ZNF624: variants seen among roughly 807,000 people sequenced by gnomAD.
The protein encoded by ZNF624 is zinc finger protein 624.
A neutral mutation model predicts 74.7 loss-of-function variants in ZNF624; 43 were observed. That is an observed-to-expected ratio of 0.58 (90% CI 0.45 to 0.74). The LOEUF is 0.74. ZNF624 is among the 30% of genes least tolerant of loss of function. The pLI, the probability that ZNF624 is intolerant of heterozygous loss-of-function variation, is 0.00. For synonymous variants in ZNF624, 331 were observed against 341.3 expected (o/e 0.97, Z 0.33); for missense variants, 820 against 1,030.0 (o/e 0.80, Z 2.79).
At chr17:16,629,967 A>G (rs1299006204) in intron 5 of ZNF624, among the ~76,000 whole-genome samples, 3 of 152,246 alleles carry the variant, frequency 2.0e-5, no homozygotes, top group Non-Finnish European at 4.4e-5. Context: ...TTAGTGGAGC[A>G]CAACCACATT....
At chr17:16,619,144 C>G (rs1290398918), downstream of ZNF624, among the ~76,000 whole-genome samples, 6 of 152,160 alleles carry the variant, frequency 3.9e-5, no homozygotes, top group Non-Finnish European at 7.4e-5. Context: ...AGGAAGATGG[C>G]CTTTTCAATA....
At position 16,623,843 on chromosome 17, in the gene ZNF624, A is replaced by G. The variant is rs1275363997; in HGVS notation, c.1043T>C (p.Met348Thr). 7 of 1,613,780 alleles carry G rather than the reference A, an allele frequency of 4.3e-6. No homozygotes were observed. The highest frequency in any genetic ancestry group is 2.7e-5 in the African/African-American group (2 of 74,900). ...GKAFIASSSL[M>T]VHQRIHTKEK... Reference sequence around the variant, plus strand: ...TTTAGTGTGAATTCTCTGATGTACCATAAGTGATGAAGAAGCAATGAAGGC... The same window carrying G: ...TTTAGTGTGAATTCTCTGATGTACCGTAAGTGATGAAGAAGCAATGAAGGC... The change falls in exon 6 of 6, where the codon ATG (methionine) becomes ACG (threonine). Residue 348 changes from methionine to threonine, a missense_variant. By Grantham distance (81) the Met-to-Thr change is moderately conservative (BLOSUM62 -1). Transcript: ENST00000311331. This position sits in a 1 kb window ranked among gnomAD's most constrained non-coding sequence, Gnocchi z 5.3.
chr17:16,614,741 T>C, the ZNF624 span, among the ~76,000 whole-genome samples: 9 of 152,178 alleles, frequency 5.9e-5, no homozygotes, highest in African/African-American at 9.7e-5. Flanking sequence ...ACAAGGCTAT[T>C]ACAAGAAAGA....
At chr17:16,631,510 G>A (rs1309659105) in intron 5 of ZNF624, 3 of 152,206 alleles carry the variant, frequency 2.0e-5, no homozygotes, top group African/African-American at 7.2e-5. Context: ...AGGATAGCTT[G>A]AGCCCAGGAG....
Position 16,622,437 on chromosome 17 carries a change from A to G in ZNF624, c.2449T>C (p.Phe817Leu). 6.2e-7 allele frequency: 1 copy of G among 1,613,982 alleles called. No individual in the cohort carries two copies. Among genetic ancestry groups the G allele is most frequent in the Non-Finnish European group, 8.5e-7 (1 of 1,179,916 alleles). ...ACAGTAAAGTCTGAGTTAGTTCTGA[A>G]GGCTTTTCCACATTCTTCACATTTA... Reference protein sequence around the residue: ...PYKCEECGKAFRTNSDFTVHL... With the variant: ...PYKCEECGKALRTNSDFTVHL... Residue 817 changes from phenylalanine to leucine, a missense_variant, in exon 6 of 6, where the codon TTC (phenylalanine) becomes CTC (leucine). By Grantham distance (22) the Phe-to-Leu change is conservative (BLOSUM62 0). Transcript: ENST00000311331.
At position 16,622,289 on chromosome 17, in the gene ZNF624, T is replaced by C; in HGVS notation, c.2597A>G (p.Ter866=). 1 of 1,545,216 alleles carries C rather than the reference T, an allele frequency of 6.5e-7. No individual in the cohort carries two copies. Among genetic ancestry groups the C allele is most frequent in the East Asian group, 2.3e-5 (1 of 44,396 alleles). ...RIHQRETQLI[*] Reference sequence around the variant, plus strand: ...TCTAGGTGAATGACTTATTGTTCTTTATATTAACTGAGTTTCTCTTTGATG... The same window carrying C: ...TCTAGGTGAATGACTTATTGTTCTTCATATTAACTGAGTTTCTCTTTGATG... The change falls in exon 6 of 6, where the codon TAA becomes TGA. Residue 866 remains the stop codon, a stop_retained_variant. Coordinates refer to ENST00000311331, the MANE Select transcript of ZNF624 (RefSeq NM_020787.4).
chr17:16,638,898 G>T (rs1362679669), intron 3 of ZNF624, among the ~76,000 whole-genome samples: 1 of 152,142 alleles, frequency 6.6e-6, no homozygotes, highest in Non-Finnish European at 1.5e-5. Context: ...AGGTTTAAGG[G>T]ATGTAAACTA....
chr17:16,640,634 T>C (rs142788422), intron 3 of ZNF624, among the ~76,000 whole-genome samples: 1,764 of 152,270 alleles, frequency 0.012, 21 homozygotes, highest in Non-Finnish European at 0.02. Context: ...AACCATGGTA[T>C]GCGAACTTAG....
chr17:16,636,582 A>G (rs185952847), intron 3 of ZNF624, among the ~76,000 whole-genome samples: 95 of 152,316 alleles, frequency 6.2e-4, no homozygotes, highest in Non-Finnish European at 1.0e-3. Flanking sequence ...CATGCCTGTA[A>G]TCCCAGCACT....
At chr17:16,645,927 C>T (rs1340538079) in intron 3 of ZNF624, among the ~76,000 whole-genome samples, 3 of 106,094 alleles carry the variant, frequency 2.8e-5, no homozygotes, top group Admixed American at 2.8e-4. Context: ...GCCTGGGTGA[C>T]AGAGCGAGAC....
chr17:16,644,537 A>T (rs951911894), intron 3 of ZNF624, among the ~76,000 whole-genome samples: 2 of 152,210 alleles, frequency 1.3e-5, no homozygotes, highest in African/African-American at 4.8e-5. Flanking sequence ...AAGATAATAC[A>T]CTGATGCATA....
downstream of ZNF624, chr17:16,616,909 C>G: frequency 6.6e-7 from 1 of 1,515,902 alleles, no homozygotes; most frequent in Non-Finnish European, 9.0e-7. Flanking sequence ...AGAACAGGAT[C>G]TTGAAGTAGC....
Position 16,623,270 on chromosome 17 carries a change from T to C in ZNF624, c.1616A>G (p.Asn539Ser). ...KCNECGKAFI[N>S]YSCLTVHHRM... ...GTGGTGTACAGTAAGGCATGAATAA[T>C]TAATGAATGCTTTCCCACATTCATT... The change falls in exon 6 of 6, where the codon AAT becomes AGT. Residue 539 changes from asparagine to serine, a missense_variant. Physicochemically the swap from Asn to Ser is conservative, Grantham distance 46 (BLOSUM62 1). Transcript: ENST00000311331. The surrounding 1 kb of genome is among the most constrained non-coding windows in gnomAD (Gnocchi z 5.3). The C allele has an allele frequency of 6.2e-7, 1 of 1,613,950 alleles. No homozygotes were observed.
Position 16,633,732 on chromosome 17 carries a change from G to A in ZNF624, c.376+130C>T, listed in dbSNP as rs1228589907. ...GGGTGAGAGGGACAGGCAGTGAGAT[G>A]GGGGATCTCTTCCTCTGAGACAGCG... On this transcript the variant is annotated intron_variant, in intron 5 of 5. Coordinates refer to ENST00000311331, the MANE Select transcript of ZNF624 (RefSeq NM_020787.4). 5 of 635,960 alleles carry A rather than the reference G, an allele frequency of 7.9e-6. No homozygotes were observed. In the East Asian group the frequency reaches 1.5e-4, roughly 19 times the overall value. The allele number at this position is 635,960 out of a possible 1,614,324, so 39.4% of individuals were successfully genotyped here. A position where few individuals can be genotyped will look rare whatever the true frequency, so the allele number is the denominator to read the frequency against.
At chr17:16,640,072 T>C (rs1328067771) in intron 3 of ZNF624, among the ~76,000 whole-genome samples, 1 of 145,460 alleles carries the variant, frequency 6.9e-6, no homozygotes, top group Non-Finnish European at 1.5e-5. Flanking sequence ...TAAAAGAAAT[T>C]GTGAGAATGA....
chr17:16,653,128 T>C (rs779445873), intron 1 of ZNF624, among the ~76,000 whole-genome samples: 28 of 152,248 alleles, frequency 1.8e-4, no homozygotes, highest in Non-Finnish European at 1.5e-5. Context: ...CTCAGCGCCA[T>C]GTACCAGTCC....
rs1909003556 is a variant in ZNF624, at chr17:16,624,158, A to C, written c.728T>G (p.Leu243Trp). ...ENLNLITDTH[L>W]GKIICKEMKG... ...CATCTCCTTGCAAATTATCTTCCCC[A>C]AATGGGTATCTGTAATCAAATTTAA... The change falls in exon 6 of 6, where the codon TTG becomes TGG. Residue 243 changes from leucine (L) to tryptophan (W), a missense_variant. Transcript: ENST00000311331. 1.2e-6 allele frequency: 2 copies of C among 1,614,014 alleles called. No homozygotes were observed. Among genetic ancestry groups the C allele is most frequent in the Non-Finnish European group, 1.7e-6 (2 of 1,180,026 alleles).
intron 3 of ZNF624, among the ~76,000 whole-genome samples, chr17:16,643,550 A>G (rs1176121297): frequency 6.6e-6 from 1 of 152,138 alleles, no homozygotes; most frequent in Admixed American, 6.5e-5. Flanking sequence ...GCTAGTGGGT[A>G]TGGGGTTTCT....
intron 3 of ZNF624, among the ~76,000 whole-genome samples, chr17:16,645,945 C>CAAAAAAAAAA (rs35486112): frequency 2.0e-4 from 11 of 56,020 alleles, no homozygotes; most frequent in East Asian, 5.4e-4. Context: ...GACTCCATCT[C>CAAAAAAAAAA]AAAAAAAAAA....
Sources: gnomAD v4.1 joint callset for allele counts (sites outside exome capture counted in the v4.1 genomes callset) on GRCh38, gnomAD v4.1.1 for gene constraint, Gnocchi (gnomAD v3.1) non-coding constraint, MANE v1.5 for transcripts, NCBI Gene and HGNC (gene_info 2026-07-23, HGNC 2026-07-21) for gene names.